BNC2: variants seen among roughly 807,000 people sequenced by gnomAD.
The protein encoded by BNC2 is basonuclin zinc finger protein 2.
BNC2 carries 20 observed loss-of-function variants against 76.3 expected under a neutral mutation model. That is an observed-to-expected ratio of 0.26 (90% confidence interval 0.18 to 0.38). BNC2 has a LOEUF of 0.38. Ranked by LOEUF, BNC2 falls within the 10% of genes least tolerant of loss-of-function variation. BNC2 has a pLI of 1.00. For missense variants in BNC2, 1,382 were observed against 1,399.8 expected, an observed-to-expected ratio of 0.99 and a Z score of 0.20; for synonymous variants, 582 against 514.8, an observed-to-expected ratio of 1.13 and a Z score of -1.77.
chr9:16,756,563 C>A (rs1375874346), intron 1 of BNC2, among the ~76,000 whole-genome samples: 1 of 152,206 alleles, frequency 6.6e-6, no homozygotes, highest in Non-Finnish European at 1.5e-5. Context: ...TTGATCTCTG[C>A]CAACCTAACC....
chr9:16,781,698 T>A (rs959321425), intron 1 of BNC2, among the ~76,000 whole-genome samples: 1 of 152,178 alleles, frequency 6.6e-6, no homozygotes, highest in Non-Finnish European at 1.5e-5. Context: ...TTAGAAACAA[T>A]CTACTTTTCC....
At chr9:16,549,531 C>G (rs1226940866) in intron 5 of BNC2, among the ~76,000 whole-genome samples, 1 of 152,180 alleles carries the variant, frequency 6.6e-6, no homozygotes, top group Non-Finnish European at 1.5e-5. Flanking sequence ...TTCGGACACA[C>G]ATTTTATAGC....
chr9:16,615,383 G>T (rs1391746235), intron 3 of BNC2, among the ~76,000 whole-genome samples: 3 of 152,086 alleles, frequency 2.0e-5, no homozygotes, highest in Admixed American at 1.3e-4. Context: ...TTTGAGAGAT[G>T]ATATATGCAA....
intron 3 of BNC2, among the ~76,000 whole-genome samples, chr9:16,697,437 T>C (rs1823371972): frequency 6.7e-6 from 1 of 149,952 alleles, no homozygotes. Context: ...AAGTATACGA[T>C]GTGGCAGGGC....
At chr9:16,607,502 T>C (rs1484649957) in intron 3 of BNC2, among the ~76,000 whole-genome samples, 1 of 152,204 alleles carries the variant, frequency 6.6e-6, no homozygotes, top group African/African-American at 2.4e-5. Context: ...TGATAACGGC[T>C]ACACTTTAGG....
intron 3 of BNC2, among the ~76,000 whole-genome samples, chr9:16,667,981 T>A (rs377599796): frequency 1.3e-5 from 2 of 152,180 alleles, no homozygotes; most frequent in Non-Finnish European, 2.9e-5. Flanking sequence ...GGCACAAAGA[T>A]TGGCATTTAT....
At chr9:16,858,127 T>C (rs889526101) in intron 1 of BNC2, among the ~76,000 whole-genome samples, 5 of 152,214 alleles carry the variant, frequency 3.3e-5, no homozygotes, top group Non-Finnish European at 7.3e-5. Context: ...TTGGTGTTTT[T>C]CTAGTCATGA....
intron 3 of BNC2, among the ~76,000 whole-genome samples, chr9:16,596,667 A>T (rs913649743): frequency 6.6e-6 from 1 of 152,136 alleles, no homozygotes; most frequent in Non-Finnish European, 1.5e-5. Flanking sequence ...GAAAGAGGAG[A>T]GTTGATTCCC....
intron 5 of BNC2, among the ~76,000 whole-genome samples, chr9:16,501,833 C>G (rs1822525121): frequency 6.6e-6 from 1 of 152,136 alleles, no homozygotes; most frequent in Non-Finnish European, 1.5e-5. Context: ...TTACCCTGAC[C>G]TCTGGTAAGG....
chr9:16,577,804 A>G (rs1251546838), intron 4 of BNC2, among the ~76,000 whole-genome samples: 1 of 152,254 alleles, frequency 6.6e-6, no homozygotes, highest in South Asian at 2.1e-4. Context: ...GCCAAAGGAA[A>G]TAACACTGGT....
chr9:16,757,871 A>G (rs972463618), intron 1 of BNC2, among the ~76,000 whole-genome samples: 1 of 152,228 alleles, frequency 6.6e-6, no homozygotes, highest in Non-Finnish European at 1.5e-5. Context: ...TACAGTATTT[A>G]GAGAGTTTGG....
chr9:16,738,479 G>A lies in BNC2; in HGVS notation c.10C>T (p.Leu4Phe), dbSNP rs1260443450. The A allele has an allele frequency of 6.2e-7, 1 of 1,613,984 alleles. No homozygotes were observed. The highest frequency in any genetic ancestry group is 8.5e-7 in the Non-Finnish European group (1 of 1,179,942). MAH[L>F]GPTPPPHSLN... The stretch of plus-strand genomic sequence containing the variant: ...CTATGTGGAGGTGGGGTGGGCCCAA[G>A]GTGTGCCTATTGAGAGATTGGGAAA... Residue 4 changes from leucine to phenylalanine, a missense_variant, in exon 2 of 7, where the codon CTT (leucine) becomes TTT (phenylalanine). Around this residue, in one of 3 missense-constraint regions of BNC2, gnomAD observed 557 missense variants for 540.9 expected, o/e 1.03. Coordinates refer to ENST00000380672, the MANE Select transcript of BNC2 (RefSeq NM_017637.6).
intron 5 of BNC2, among the ~76,000 whole-genome samples, chr9:16,510,481 T>C (rs1822728163): frequency 6.6e-6 from 1 of 152,252 alleles, no homozygotes; most frequent in Admixed American, 6.5e-5. Flanking sequence ...CTTCTTTCGC[T>C]TACCCTTACA....
intron 5 of BNC2, chr9:16,475,912 T>G (rs1587072144): frequency 2.0e-5 from 3 of 152,362 alleles, no homozygotes; most frequent in Middle Eastern, 3.4e-3. Flanking sequence ...TGATGCATTT[T>G]CCTTCATTAG....
intron 4 of BNC2, chr9:16,575,425 A>G (rs1450198405): frequency 1.0e-6 from 1 of 985,170 alleles, no homozygotes; most frequent in Non-Finnish European, 1.2e-6. Flanking sequence ...AAAAAAGAAA[A>G]TCTGGGGAGC....
At chr9:16,708,445 C>A (rs1823741149) in intron 3 of BNC2, among the ~76,000 whole-genome samples, 1 of 152,106 alleles carries the variant, frequency 6.6e-6, no homozygotes, top group South Asian at 2.1e-4. Flanking sequence ...TTGGCTAAAT[C>A]AACCCCCTCC....
At chr9:16,463,663 G>C (rs552178287) in intron 5 of BNC2, among the ~76,000 whole-genome samples, 1 of 152,064 alleles carries the variant, frequency 6.6e-6, no homozygotes, top group Non-Finnish European at 1.5e-5. Flanking sequence ...GACAAAAACA[G>C]AATTAAATTT....
intron 2 of BNC2, 30 bp from the exon 3 acceptor site, chr9:16,728,027 T>C: frequency 1.3e-6 from 2 of 1,582,068 alleles, no homozygotes; most frequent in Non-Finnish European, 1.7e-6. Flanking sequence ...TTTTTGAGCC[T>C]CTTGGCAGCC....
intron 1 of BNC2, among the ~76,000 whole-genome samples, chr9:16,785,681 G>A (rs1425945867): frequency 1.3e-5 from 2 of 149,326 alleles, no homozygotes; most frequent in African/African-American, 2.5e-5. Context: ...GAGCCACCAC[G>A]CCCAGCCTAT....
Sources: gnomAD v4.1 joint callset for allele counts (sites outside exome capture counted in the v4.1 genomes callset) on GRCh38, gnomAD v4.1.1 for gene constraint, gnomAD v4.1.1 regional missense constraint, MANE v1.5 for transcripts, NCBI Gene and HGNC (gene_info 2026-07-23, HGNC 2026-07-21) for gene names.